MYPN: variants seen among roughly 807,000 people sequenced by gnomAD.
MYPN encodes sarcomeric protein myopalladin, 145 kDa (MYOP).
In MYPN, 63 loss-of-function variants were observed where a neutral mutation model predicts 129.4. The observed-to-expected ratio is 0.49, with a 90% CI of 0.40 to 0.60. The LOEUF is 0.60. Among genes scored for constraint, MYPN ranks in the 20% least tolerant of loss-of-function variants. The pLI, the probability that MYPN is intolerant of heterozygous loss-of-function variation, is 0.00. For synonymous variants in MYPN, 629 were observed against 600.9 expected, an observed-to-expected ratio of 1.05 and a Z score of -0.68; for missense variants, 1,596 against 1,635.4, an observed-to-expected ratio of 0.98 and a Z score of 0.42.
chr10:68,096,845 T>C (rs2041959008), intron 1 of MYPN, among the ~76,000 whole-genome samples: 1 of 152,244 alleles, frequency 6.6e-6, no homozygotes, highest in Non-Finnish European at 1.5e-5. Context: ...ATAATTTGGT[T>C]AGTCTATGTT....
rs533479812 is a variant in MYPN, at chr10:68,150,977, C to T, written c.1317+866C>T. ...TGGTTCTCAATCATGGTTAATTTTGCCCTTCAGAGTCATTGGCACTTTTGT... is the reference window on the plus strand; with the variant it reads ...TGGTTCTCAATCATGGTTAATTTTGTCCTTCAGAGTCATTGGCACTTTTGT... On this transcript the variant is annotated intron_variant, in intron 6 of 19. Coordinates refer to ENST00000358913, the MANE Select transcript of MYPN (RefSeq NM_032578.4). 1.7e-4 allele frequency among the ~76,000 whole-genome samples: 26 copies of T among 152,210 alleles called. 1 individual carries two copies. Among genetic ancestry groups the T allele is most frequent in the Middle Eastern group, 3.4e-3 (1 of 292 alleles).
chr10:68,102,798 C>T (rs909663083), upstream of MYPN, among the ~76,000 whole-genome samples: 2 of 152,128 alleles, frequency 1.3e-5, no homozygotes, highest in African/African-American at 4.8e-5. Context: ...GGCCAGTGGA[C>T]TTATAATAGA....
chr10:68,093,141 G>A (rs2041938503), intron 1 of MYPN, among the ~76,000 whole-genome samples: 1 of 152,124 alleles, frequency 6.6e-6, no homozygotes, highest in Non-Finnish European at 1.5e-5. Context: ...GCCTCCCAAA[G>A]CGGTGGAATT....
chr10:68,152,521 G>A (rs10997950), intron 6 of MYPN, among the ~76,000 whole-genome samples: 60,157 of 151,770 alleles, frequency 0.4, 14,215 homozygotes, highest in Non-Finnish European at 0.53. Flanking sequence ...AATCTCTCCC[G>A]TTCACCTTGA....
At chr10:68,094,333 C>T (rs1209206555) in intron 1 of MYPN, among the ~76,000 whole-genome samples, 2 of 151,564 alleles carry the variant, frequency 1.3e-5, no homozygotes, top group Admixed American at 6.6e-5. Context: ...GGCGCTATCT[C>T]GGCTCACTGC....
chr10:68,208,159 T>C (rs1366943852), intron 19 of MYPN, among the ~76,000 whole-genome samples: 1 of 152,244 alleles, frequency 6.6e-6, no homozygotes, highest in African/African-American at 2.4e-5. Flanking sequence ...GAGTGGTTTT[T>C]TTAATCCTTT....
chr10:68,194,041 G>A (rs765710644), intron 13 of MYPN, among the ~76,000 whole-genome samples: 12 of 152,086 alleles, frequency 7.9e-5, no homozygotes, highest in Non-Finnish European at 1.5e-4. Flanking sequence ...GCTTCTGAAG[G>A]CATGTCCAGT....
chr10:68,194,340 A>G (rs1349293065), intron 13 of MYPN, 23 bp from the exon 14 acceptor site: 2 of 1,611,878 alleles, frequency 1.2e-6, no homozygotes, highest in Admixed American at 3.3e-5. Flanking sequence ...AACAGTGTAC[A>G]TCTTGATAAT....
At chr10:68,195,618 T>G in intron 15 of MYPN, 86 bp downstream of exon 15, 1 of 1,102,566 alleles carries the variant, frequency 9.1e-7, no homozygotes, top group Non-Finnish European at 1.4e-6. Context: ...GATCCACAAA[T>G]TCTTAATTAA....
In MYPN at chr10:68,143,083, C is replaced by T. The variant is rs763819518; in HGVS notation, c.1046C>T (p.Thr349Ile). ...YSCFASNIYGTDSTSAEIYIE... is the reference protein window; with the variant it reads ...YSCFASNIYGIDSTSAEIYIE... The stretch of plus-strand genomic sequence containing the variant: ...TGCTTTGCTTCTAACATCTATGGGA[C>T]AGATTCGACTTCTGCTGAGATTTAT... Residue 349 changes from threonine to isoleucine, a missense_variant, in exon 3 of 20, where the codon ACA becomes ATA. Physicochemically the swap from Thr to Ile is moderately conservative, Grantham distance 89. Coordinates refer to ENST00000358913, the MANE Select transcript of MYPN (RefSeq NM_032578.4). The T allele has an allele frequency of 1.2e-6, 2 of 1,614,114 alleles. No individual in the cohort carries two copies. Among genetic ancestry groups the T allele is most frequent in the South Asian group, 2.2e-5 (2 of 91,088 alleles).
At chr10:68,177,368 C>T (rs2043243112) in intron 12 of MYPN, among the ~76,000 whole-genome samples, 1 of 152,116 alleles carries the variant, frequency 6.6e-6, no homozygotes, top group African/African-American at 2.4e-5. Flanking sequence ...AGAATTATTG[C>T]AGTTGGTTAA....
intron 1 of MYPN, among the ~76,000 whole-genome samples, chr10:68,089,581 A>G (rs755211934): frequency 7.9e-5 from 12 of 151,444 alleles, no homozygotes; most frequent in African/African-American, 1.2e-4. Context: ...TCCTGACCCC[A>G]TGATTCGCCC....
intron 2 of MYPN, among the ~76,000 whole-genome samples, chr10:68,141,055 T>G (rs2042568847): frequency 6.7e-6 from 1 of 150,272 alleles, no homozygotes; most frequent in African/African-American, 2.5e-5. Flanking sequence ...GGCAACAGAG[T>G]GAGACCCTTC....
At chr10:68,107,773 T>C (rs954657593), upstream of MYPN, among the ~76,000 whole-genome samples, 2 of 152,198 alleles carry the variant, frequency 1.3e-5, no homozygotes, top group Non-Finnish European at 2.9e-5. Context: ...CCTTCAACCT[T>C]AGTATTCTAT....
At chr10:68,204,438 C>A (rs1241191855) in intron 18 of MYPN, among the ~76,000 whole-genome samples, 5 of 152,176 alleles carry the variant, frequency 3.3e-5, no homozygotes, top group Non-Finnish European at 1.5e-5. Flanking sequence ...AGAATGCAAA[C>A]TGACCGGGCG....
At chr10:68,098,990 T>C (rs989778290) in intron 1 of MYPN, among the ~76,000 whole-genome samples, 2 of 152,248 alleles carry the variant, frequency 1.3e-5, no homozygotes, top group Non-Finnish European at 2.9e-5. Flanking sequence ...TATAAATTAA[T>C]CTGGTTCTCA....
chr10:68,160,026 G>A (rs988611746), intron 7 of MYPN, among the ~76,000 whole-genome samples: 1 of 152,096 alleles, frequency 6.6e-6, no homozygotes, highest in Non-Finnish European at 1.5e-5. Context: ...CAAAATAGCA[G>A]TCTGTAGATC....
intron 15 of MYPN, 110 bp from the exon 16 acceptor site, chr10:68,197,241 TC>T (rs753681819): frequency 0.011 from 9,926 of 908,150 alleles, 3 homozygotes; most frequent in Non-Finnish European, 0.012. Context: ...CTTTCCCCCT[TC>T]AAAAAAAAAA....
chr10:68,111,395 T>G (rs1469542646), intron 1 of MYPN, among the ~76,000 whole-genome samples: 1 of 151,758 alleles, frequency 6.6e-6, no homozygotes, highest in Non-Finnish European at 1.5e-5. Context: ...GAACAATTAA[T>G]TTTTTTTTCA....
Sources: allele counts gnomAD v4.1 joint callset (sites outside exome capture counted in the v4.1 genomes callset), GRCh38; gene constraint gnomAD v4.1.1; transcripts MANE v1.5; gene names NCBI Gene and HGNC (gene_info 2026-07-23, HGNC 2026-07-21).